Variants in PLEKHA4 observed in about 807,000 individuals in gnomAD.
PLEKHA4 encodes the protein pleckstrin homology domain-containing family A member 4.
A neutral mutation model predicts 94.7 loss-of-function variants in PLEKHA4; 73 were observed. The ratio of observed to expected loss-of-function variants is 0.77; its 90% CI spans 0.64 to 0.94. The LOEUF (loss-of-function observed/expected upper bound fraction) is 0.94. Among genes scored for constraint, PLEKHA4 ranks in the 40% least tolerant of loss-of-function variants. The pLI is 0.00. For missense variants in PLEKHA4, 1,049 were observed against 1,054.1 expected (o/e 1.00, Z 0.07); for synonymous variants, 449 against 437.1 (o/e 1.03, Z -0.34).
chr19:48,847,911 A>T lies in PLEKHA4; in HGVS notation c.1555T>A (p.Ser519Thr). 6.3e-7 allele frequency: 1 copy of T among 1,575,068 alleles called. No individual in the cohort carries two copies. The highest frequency in any genetic ancestry group is 8.6e-7 in the Non-Finnish European group (1 of 1,161,602). ...PSPVLQGEES[S>T]ERESLPESLE... ...TATGTGCGTCTTACCTCCCTCTCTG[A>T]GGACTCCTCGCCCTGGAGCACGGGA... is the stretch of plus-strand genomic sequence containing the variant. The change falls in exon 14 of 20, where the codon TCA becomes ACA. Residue 519 changes from serine to threonine, a missense_variant. Coordinates refer to ENST00000263265, the MANE Select transcript of PLEKHA4 (RefSeq NM_020904.3).
intron 5 of PLEKHA4, among the ~76,000 whole-genome samples, 162 bp downstream of exon 5, chr19:48,861,239 A>C (rs992776570): frequency 2.6e-5 from 4 of 152,054 alleles, no homozygotes; most frequent in Non-Finnish European, 4.4e-5. Flanking sequence ...ACAAACCAAA[A>C]CAAAACAAAA....
chr19:48,857,091 T>TA (rs1362191217), intron 9 of PLEKHA4, among the ~76,000 whole-genome samples: 5 of 151,170 alleles, frequency 3.3e-5, no homozygotes, highest in African/African-American at 1.2e-4. Flanking sequence ...GATGTGGCCA[T>TA]AAAAAAAACC....
Position 48,838,028 on chromosome 19 carries a change from C to T in PLEKHA4, c.2066G>A (p.Arg689Lys), listed in dbSNP as rs148689032. The T allele has an allele frequency of 5.0e-6, 8 of 1,612,670 alleles. No individual in the cohort carries two copies. The highest frequency in any genetic ancestry group is 6.8e-6 in the Non-Finnish European group (8 of 1,179,016). ...CCCCAGCCAGTCACCTGTCATCATT[C>T]TGTGCCACTGCGACGCCTCAGTAGC... ...ALATEASQWH[R>K]MMTGGNLDSQ... Residue 689 changes from arginine to lysine, a missense_variant, in exon 19 of 20, where the codon AGA (arginine) becomes AAA (lysine). By Grantham distance (26) the Arg-to-Lys change is conservative (BLOSUM62 2). Transcript: ENST00000263265.
chr19:48,850,589 G>A (rs886626020), intron 13 of PLEKHA4, among the ~76,000 whole-genome samples: 7 of 152,118 alleles, frequency 4.6e-5, no homozygotes, highest in African/African-American at 1.4e-4. Context: ...AAGCTGAGGC[G>A]GGTGGATCAC....
chr19:48,848,300 A>C (rs573299774), intron 13 of PLEKHA4, among the ~76,000 whole-genome samples: 71 of 150,658 alleles, frequency 4.7e-4, no homozygotes, highest in Non-Finnish European at 9.2e-4. Flanking sequence ...TCCCGGCTAA[A>C]ACGGTGAAAC....
Position 48,853,632 on chromosome 19 carries a change from G to C in PLEKHA4, c.1326+50C>G, listed in dbSNP as rs763325824. Reference sequence around the variant, plus strand: ...GGGCAGGTCCCCTTCGTAACGACTTGCATAGTCCTGGGGCCTCCTAGGAGG... The same window carrying C: ...GGGCAGGTCCCCTTCGTAACGACTTCCATAGTCCTGGGGCCTCCTAGGAGG... On this transcript the variant is annotated intron_variant, in intron 12 of 19. Coordinates refer to ENST00000263265, the MANE Select transcript of PLEKHA4 (RefSeq NM_020904.3). The C allele has an allele frequency of 1.2e-4, 176 of 1,440,808 alleles. 1 individual carries two copies. Among genetic ancestry groups the C allele is most frequent in the Admixed American group, 1.7e-4 (6 of 34,962 alleles). 89.3% of individuals were successfully genotyped at this position (1,440,808 alleles called of 1,614,324 possible). A position where few individuals can be genotyped will look rare whatever the true frequency, so the allele number is the denominator to read the frequency against.
chr19:48,856,767 C>T lies in PLEKHA4; in HGVS notation c.1047+655G>A, dbSNP rs113334389. On this transcript the variant is annotated intron_variant, in intron 9 of 19. Transcript: ENST00000263265. Reference sequence around the variant, plus strand: ...CAAAAAAATTAGCCGGGCGTGGTGGCGGGCGCCTGTAGTCCCAGCTATTCA... The same window carrying T: ...CAAAAAAATTAGCCGGGCGTGGTGGTGGGCGCCTGTAGTCCCAGCTATTCA... Among the ~76,000 whole-genome samples the T allele has an allele frequency of 6.8e-3, 1,003 of 147,206 alleles. 11 individuals are homozygous for T. The highest frequency in any genetic ancestry group is 0.024 in the African/African-American group (946 of 39,614).
intron 3 of PLEKHA4, among the ~76,000 whole-genome samples, chr19:48,862,202 C>CTTTTT (rs1472532427): frequency 4.1e-5 from 5 of 121,048 alleles, no homozygotes; most frequent in African/African-American, 1.8e-4. Context: ...TCTTTTCTCT[C>CTTTTT]TCTTTTTTTT....
chr19:48,837,522 G>A lies in PLEKHA4; in HGVS notation c.2107C>T (p.Leu703Phe). ...GGNLDSQGDPLPGVPLPPSDP... is the reference protein window; with the variant it reads ...GGNLDSQGDPFPGVPLPPSDP... ...GAAGGAGGCAGCGGCACACCGGGAA[G>A]AGGGTCTCCCTGGGAGTCCAAATTT... The change falls in exon 20 of 20, where the codon CTT becomes TTT. Residue 703 changes from leucine (L) to phenylalanine (F), a missense_variant. Coordinates refer to ENST00000263265, the MANE Select transcript of PLEKHA4 (RefSeq NM_020904.3). The surrounding 1 kb of genome is among the most constrained non-coding windows in gnomAD (Gnocchi z 4.3). 2 of 1,613,322 alleles carry A rather than the reference G, an allele frequency of 1.2e-6. No individual in the cohort carries two copies. The highest frequency in any genetic ancestry group is 2.2e-5 in the East Asian group (1 of 44,862).
chr19:48,865,721 G>C (rs970315681), intron 2 of PLEKHA4, 111 bp from the exon 3 acceptor site: 11 of 702,352 alleles, frequency 1.6e-5, no homozygotes, highest in Admixed American at 2.6e-5. Context: ...CCTGAGAAAT[G>C]GGTCAAGGAC....
Position 48,858,902 on chromosome 19 carries a change from G to C in PLEKHA4, c.930C>G (p.Pro310=). The C allele has an allele frequency of 6.2e-7, 1 of 1,608,236 alleles. No individual in the cohort carries two copies. The highest frequency in any genetic ancestry group is 2.2e-5 in the East Asian group (1 of 44,730). ...GACTCCAGTGCTGGGGACTCCTGGGGGGCTTTCCTCCCCCAGCCTCAGAGG... is the reference window on the plus strand; with the variant it reads ...GACTCCAGTGCTGGGGACTCCTGGGCGGCTTTCCTCCCCCAGCCTCAGAGG... ...GPPSEAGGGK[P]PRSPQHWSQE... is the part of the protein sequence containing the mutation. The change falls in exon 8 of 20, where the codon CCC becomes CCG. Residue 310 remains proline (P), a synonymous_variant. Coordinates refer to ENST00000263265, the MANE Select transcript of PLEKHA4 (RefSeq NM_020904.3).
Position 48,838,090 on chromosome 19 carries a change from A to G in PLEKHA4, c.2004T>C (p.Gly668=). ...AGAGGCTGAGAACCCGCTCCCGGTG[A>G]CCTTCGGAAGTCGGCAAGTAAGGGG... The part of the protein sequence containing the change: ...NTTPYLPTSE[G]HRERVLSLSQ... Residue 668 remains glycine (G), a synonymous_variant, in exon 19 of 20, where the codon GGT becomes GGC. Transcript: ENST00000263265. The G allele has an allele frequency of 6.2e-7, 1 of 1,611,818 alleles. No homozygotes were observed. The highest frequency in any genetic ancestry group is 1.1e-5 in the South Asian group (1 of 90,972).
At position 48,853,800 on chromosome 19, in the gene PLEKHA4, C is replaced by G. The variant is rs377412555; in HGVS notation, c.1208G>C (p.Arg403Pro). 5.0e-6 allele frequency: 8 copies of G among 1,612,530 alleles called. No homozygotes were observed. Among genetic ancestry groups the G allele is most frequent in the Non-Finnish European group, 5.9e-6 (7 of 1,179,330 alleles). Residue 403 changes from arginine to proline, a missense_variant, in exon 12 of 20, where the codon CGG becomes CCG. Physicochemically the swap from Arg to Pro is moderately radical, Grantham distance 103. Coordinates refer to ENST00000263265, the MANE Select transcript of PLEKHA4 (RefSeq NM_020904.3). Reference sequence around the variant, plus strand: ...CCTGGTGGCTTGGCCCAGCTGTTGCCGGGTCAACTCCAGAGCTGCTTCTAG... The same window carrying G: ...CCTGGTGGCTTGGCCCAGCTGTTGCGGGGTCAACTCCAGAGCTGCTTCTAG... ...EQLEAALELT[R>P]QQLGQATREA...
rs1290556983 is a variant in PLEKHA4 at position 48,847,905 on chromosome 19, T to G, written c.1561A>C (p.Arg521=). The G allele has an allele frequency of 6.4e-7, 1 of 1,568,324 alleles. No individual in the cohort carries two copies. Among genetic ancestry groups the G allele is most frequent in the East Asian group, 2.3e-5 (1 of 44,196 alleles). Residue 521 remains arginine (R), a synonymous_variant, in exon 14 of 20, where the codon AGG becomes CGG. Coordinates refer to ENST00000263265, the MANE Select transcript of PLEKHA4 (RefSeq NM_020904.3). ...AGGAATTATGTGCGTCTTACCTCCC[T>G]CTCTGAGGACTCCTCGCCCTGGAGC... ...PVLQGEESSE[R]ESLPESLELS...
chr19:48,861,216 A>G (rs1205139051), intron 5 of PLEKHA4, among the ~76,000 whole-genome samples, 185 bp downstream of exon 5: 1 of 152,216 alleles, frequency 6.6e-6, no homozygotes, highest in African/African-American at 2.4e-5. Context: ...TCAAAAAACA[A>G]CAAAACAAAA....
chr19:48,838,766 C>CAAA (rs58253636), intron 18 of PLEKHA4, among the ~76,000 whole-genome samples: 1 of 102,620 alleles, frequency 9.7e-6, no homozygotes, highest in Admixed American at 1.1e-4. Context: ...GACTCCGTCT[C>CAAA]AAAAAAAAAA....
In PLEKHA4 at chr19:48,867,307, G is replaced by A. The variant is rs935831775; in HGVS notation, c.84+230C>T. ...GCTTTATCTTAGCAACCAGGGTCAA[G>A]GGAGGTTGTTACTCTGGTTTAGAAT... On this transcript the variant is annotated intron_variant, in intron 2 of 19. Coordinates refer to ENST00000263265, the MANE Select transcript of PLEKHA4 (RefSeq NM_020904.3). The surrounding 1 kb of genome is among the most constrained non-coding windows in gnomAD (Gnocchi z 4.7). Among the ~76,000 whole-genome samples, 1 of 152,206 alleles carries A rather than the reference G, an allele frequency of 6.6e-6. No individual in the cohort carries two copies. The highest frequency in any genetic ancestry group is 1.5e-5 in the Non-Finnish European group (1 of 68,036).
Position 48,860,400 on chromosome 19 carries a change from C to A in PLEKHA4, c.426G>T (p.Arg142=). The change falls in exon 6 of 20, where the codon CGG becomes CGT. Residue 142 remains arginine, a synonymous_variant. Transcript: ENST00000263265. ...VLAADTLEDL[R]GWLRALGRAS... Reference sequence around the variant, plus strand: ...CCCGGCCCAGCGCCCGTAGCCAGCCCCGCAGGTCTTCTAAGGTGTCAGCGG... The same window carrying A: ...CCCGGCCCAGCGCCCGTAGCCAGCCACGCAGGTCTTCTAAGGTGTCAGCGG... 1 of 1,614,140 alleles carries A rather than the reference C, an allele frequency of 6.2e-7. No homozygotes were observed. The highest frequency in any genetic ancestry group is 8.5e-7 in the Non-Finnish European group (1 of 1,180,036).
chr19:48,856,434 GT>G (rs1477707817), intron 9 of PLEKHA4, among the ~76,000 whole-genome samples: 3 of 131,018 alleles, frequency 2.3e-5, no homozygotes, highest in Non-Finnish European at 5.5e-5. Flanking sequence ...ATACAAAAAA[GT>G]TGGGCCAGGC....
Sources: allele counts gnomAD v4.1 joint callset (sites outside exome capture counted in the v4.1 genomes callset), GRCh38; gene constraint gnomAD v4.1.1; non-coding constraint Gnocchi (gnomAD v3.1); transcripts MANE v1.5; gene names NCBI Gene and HGNC (gene_info 2026-07-23, HGNC 2026-07-21).